The following WEE2 variants were observed in gnomAD, a reference collection of about 807,000 sequenced individuals.
WEE2 encodes the protein WEE2 oocyte meiosis inhibiting kinase, also known as wee1-like protein kinase 2.
Under a neutral mutation model 60.1 loss-of-function variants are expected in WEE2, and 50 were observed. The observed-to-expected ratio is 0.83, with a 90% CI of 0.66 to 1.05. The LOEUF is 1.05. Ranked by LOEUF, WEE2 falls within the 50% of genes least tolerant of loss-of-function variation. The pLI is 0.00. For synonymous variants in WEE2, 240 were observed against 241.0 expected (o/e 1.00, Z 0.04); for missense variants, 631 against 684.3 (o/e 0.92, Z 0.87).
At chr7:141,712,438 A>G (rs979738676) in intron 1 of WEE2, among the ~76,000 whole-genome samples, 2 of 152,130 alleles carry the variant, frequency 1.3e-5, no homozygotes, top group African/African-American at 2.4e-5. Context: ...GAGCACATTT[A>G]TACTCTCAAC....
At chr7:141,723,548 A>G (rs1248697537) in intron 6 of WEE2, among the ~76,000 whole-genome samples, 1 of 152,258 alleles carries the variant, frequency 6.6e-6, no homozygotes, top group Non-Finnish European at 1.5e-5. Flanking sequence ...GGCAAGTGAC[A>G]GCATATCAGC....
Position 141,711,935 on chromosome 7 carries a change from C to G in WEE2, c.343-2274C>G, listed in dbSNP as rs1284462002. The stretch of plus-strand genomic sequence containing the variant: ...AAGTGTCAGGCTCATTTTAAACAAC[C>G]AGATCTGGTGTGAACTAACAAAGTG... On this transcript the variant is annotated intron_variant, in intron 1 of 11. Transcript: ENST00000397541. The surrounding 1 kb of genome is among the most constrained non-coding windows in gnomAD (Gnocchi z 4.2). The G allele has an allele frequency of 6.6e-6, 1 of 152,150 alleles. No individual in the cohort carries two copies. The highest frequency in any genetic ancestry group is 6.6e-5 in the Admixed American group (1 of 15,266). The allele number at this position is 152,150 out of a possible 1,614,324, so 9.4% of individuals were successfully genotyped here.
chr7:141,710,479 A>G (rs1467147105), intron 1 of WEE2, among the ~76,000 whole-genome samples: 2 of 152,204 alleles, frequency 1.3e-5, no homozygotes, highest in Non-Finnish European at 2.9e-5. Flanking sequence ...TCTGCTGGCA[A>G]AACCCATTCA....
At chr7:141,722,175 G>A (rs1798925219) in intron 5 of WEE2, among the ~76,000 whole-genome samples, 1 of 152,134 alleles carries the variant, frequency 6.6e-6, no homozygotes, top group African/African-American at 2.4e-5. Flanking sequence ...GGAGGCCGAG[G>A]CGGGCAGATC....
intron 7 of WEE2, 34 bp from the exon 8 acceptor site, chr7:141,724,156 G>A (rs377075519): frequency 1.4e-5 from 22 of 1,591,528 alleles, no homozygotes; most frequent in African/African-American, 6.8e-5. Context: ...TCTTTTGTTC[G>A]ATTTTATTCT....
Position 141,723,927 on chromosome 7 carries a change from C to T in WEE2, c.1028-14C>T. 6.5e-7 allele frequency: 1 copy of T among 1,533,092 alleles called. No individual in the cohort carries two copies. Among genetic ancestry groups the T allele is most frequent in the Non-Finnish European group, 9.0e-7 (1 of 1,114,458 alleles). 95.0% of individuals were successfully genotyped at this position (1,533,092 alleles called of 1,614,324 possible). On this transcript the variant is annotated splice_polypyrimidine_tract_variant and intron_variant, in intron 6 of 11. Transcript: ENST00000397541. ...AAGTCATTACTTACATCTATCCTGT[C>T]ATTTTTTTTTCAGGTAATATATTCA...
At chr7:141,714,479 G>GTT in intron 2 of WEE2, 74 bp downstream of exon 2, 1 of 1,170,048 alleles carries the variant, frequency 8.5e-7, no homozygotes, top group South Asian at 1.6e-5. Context: ...GAGTGTTAAA[G>GTT]TAAGATTAGG....
intron 3 of WEE2, among the ~76,000 whole-genome samples, chr7:141,717,803 G>T (rs1335816192): frequency 6.6e-6 from 1 of 152,150 alleles, no homozygotes; most frequent in African/African-American, 2.4e-5. Context: ...ACAGAGTTCA[G>T]GTGTAAGAGG....
chr7:141,709,112 G>T lies in WEE2; in HGVS notation c.342+12G>T, dbSNP rs1177284786. Reference sequence around the variant, plus strand: ...CCTCTACTCCCAAAGTAAGTAAGGGGTGGGGGAAAAAGGGACGCAGGTCGC... The same window carrying T: ...CCTCTACTCCCAAAGTAAGTAAGGGTTGGGGGAAAAAGGGACGCAGGTCGC... On this transcript the variant is annotated intron_variant, in intron 1 of 11. Transcript: ENST00000397541. 1.9e-6 allele frequency: 3 copies of T among 1,606,866 alleles called. No individual in the cohort carries two copies. The highest frequency in any genetic ancestry group is 4.5e-5 in the East Asian group (2 of 44,790).
Position 141,723,752 on chromosome 7 carries a change from A to C in WEE2, c.1028-189A>C, listed in dbSNP as rs2301923. ...GAATATATGAGATCAGTTGAACTTAAATAGGTATTATCAATCACTAGCTGT... is the reference window on the plus strand; with the variant it reads ...GAATATATGAGATCAGTTGAACTTACATAGGTATTATCAATCACTAGCTGT... On this transcript the variant is annotated intron_variant, in intron 6 of 11. Coordinates refer to ENST00000397541, the MANE Select transcript of WEE2 (RefSeq NM_001105558.1). 2,022 of 511,712 alleles carry C rather than the reference A, an allele frequency of 4.0e-3. 43 individuals carry two copies. The highest frequency in any genetic ancestry group is 0.039 in the East Asian group (1,217 of 31,354). The allele number at this position is 511,712 out of a possible 1,614,324, so 31.7% of individuals were successfully genotyped here.
intron 8 of WEE2, 83 bp downstream of exon 8, chr7:141,724,358 A>G: frequency 8.4e-7 from 1 of 1,191,346 alleles, no homozygotes; most frequent in East Asian, 2.3e-5. Context: ...CAAAAAATTA[A>G]AACTGTATAT....
rs1799124905 is a variant in WEE2, at chr7:141,730,712, G to A, written c.*392G>A. The A allele has an allele frequency of 6.0e-6, 1 of 165,774 alleles. No homozygotes were observed. Among genetic ancestry groups the A allele is most frequent in the Non-Finnish European group, 1.3e-5 (1 of 77,576 alleles). The allele number at this position is 165,774 out of a possible 1,614,324, so 10.3% of individuals were successfully genotyped here. ...GGAGAGGCTTCAGGGAAAACTTGAT[G>A]TGCCTGTGGTTGTTCTCCATCTATT... is the stretch of plus-strand genomic sequence containing the variant. On this transcript the variant is annotated 3_prime_UTR_variant, in exon 12 of 12. Transcript: ENST00000397541.
intron 11 of WEE2, 98 bp downstream of exon 11, chr7:141,729,771 G>A: frequency 7.3e-7 from 1 of 1,371,960 alleles, no homozygotes; most frequent in Non-Finnish European, 9.9e-7. Context: ...GGTGGATCAT[G>A]AGGTCAGGAG....
intron 11 of WEE2, 138 bp downstream of exon 11, chr7:141,729,811 A>AC: frequency 2.0e-6 from 2 of 1,005,174 alleles, no homozygotes; most frequent in South Asian, 3.6e-5. Context: ...ACACGGTGAA[A>AC]CCCCATCTCT....
At chr7:141,724,152 G>T (rs376828374) in intron 7 of WEE2, 38 bp from the exon 8 acceptor site, 1 of 1,591,038 alleles carries the variant, frequency 6.3e-7, no homozygotes, top group East Asian at 2.2e-5. Flanking sequence ...AAGCTCTTTT[G>T]TTCGATTTTA....
intron 9 of WEE2, among the ~76,000 whole-genome samples, chr7:141,725,890 T>C (rs34184650): frequency 0.54 from 81,977 of 151,980 alleles, 22,757 homozygotes; most frequent in African/African-American, 0.68. Context: ...TCTGGTCCTT[T>C]AGCTCCTACT....
At chr7:141,717,783 A>C (rs1798832577) in intron 3 of WEE2, among the ~76,000 whole-genome samples, 1 of 152,188 alleles carries the variant, frequency 6.6e-6, no homozygotes, top group African/African-American at 2.4e-5. Flanking sequence ...AATGCTATCA[A>C]GGCAGGAGAA....
At chr7:141,715,466 T>C (rs1308860264) in intron 2 of WEE2, among the ~76,000 whole-genome samples, 1 of 152,238 alleles carries the variant, frequency 6.6e-6, no homozygotes, top group Non-Finnish European at 1.5e-5. Flanking sequence ...TTTATTTCCA[T>C]GAATGTAGTG....
At position 141,724,859 on chromosome 7, in the gene WEE2, G is replaced by A. The variant is rs116919845; in HGVS notation, c.1222-167G>A. 0.011 allele frequency among the ~76,000 whole-genome samples: 1,740 copies of A among 152,310 alleles called. 63 individuals carry two copies. The South Asian group carries it at 0.15, about 13-fold the overall frequency. On this transcript the variant is annotated intron_variant, in intron 8 of 11. Transcript: ENST00000397541. Reference sequence around the variant, plus strand: ...ACAGCAGTGTTAATCAGGTAGATTCGTGTTCTCTCTTCTCTAGAAATCACT... The same window carrying A: ...ACAGCAGTGTTAATCAGGTAGATTCATGTTCTCTCTTCTCTAGAAATCACT...
Sources: allele counts gnomAD v4.1 joint callset (sites outside exome capture counted in the v4.1 genomes callset), GRCh38; gene constraint gnomAD v4.1.1; non-coding constraint Gnocchi (gnomAD v3.1); transcripts MANE v1.5; gene names NCBI Gene and HGNC (gene_info 2026-07-23, HGNC 2026-07-21).